Variants in PRKD1 observed in about 807,000 individuals in gnomAD.
PRKD1 encodes the protein serine/threonine-protein kinase D1.
Under a neutral mutation model 95.9 loss-of-function variants are expected in PRKD1, and 63 were observed. The observed-to-expected ratio is 0.66, with a 90% CI of 0.54 to 0.81. The LOEUF is 0.81. PRKD1 is among the 30% of genes least tolerant of loss of function. The pLI is 0.00. For synonymous variants in PRKD1, 425 were observed against 423.1 expected, an observed-to-expected ratio of 1.00 and a Z score of -0.05; for missense variants, 1,048 against 1,165.3, an observed-to-expected ratio of 0.90 and a Z score of 1.47.
intron 1 of PRKD1, among the ~76,000 whole-genome samples, chr14:29,752,457 G>A (rs1887521097): frequency 6.6e-6 from 1 of 151,864 alleles, no homozygotes; most frequent in Non-Finnish European, 1.5e-5. Flanking sequence ...AAAACTGCAG[G>A]GAAAGATAAA....
chr14:29,619,598 G>A (rs1195843028), intron 13 of PRKD1, among the ~76,000 whole-genome samples: 8 of 152,128 alleles, frequency 5.3e-5, no homozygotes, highest in Non-Finnish European at 8.8e-5. Flanking sequence ...CAATTCTATA[G>A]TAGGTTAGAA....
intron 16 of PRKD1, among the ~76,000 whole-genome samples, chr14:29,581,719 C>T (rs1363882857): frequency 1.3e-5 from 2 of 152,142 alleles, no homozygotes; most frequent in Non-Finnish European, 2.9e-5. Flanking sequence ...TGCTTGAACG[C>T]AAGGATGTGT....
At chr14:29,614,421 G>A (rs1878703392) in intron 13 of PRKD1, among the ~76,000 whole-genome samples, 1 of 151,950 alleles carries the variant, frequency 6.6e-6, no homozygotes, top group Non-Finnish European at 1.5e-5. Flanking sequence ...TTAAAAAAAG[G>A]AATAAAATTA....
At chr14:29,696,112 A>G (rs552633705) in intron 2 of PRKD1, among the ~76,000 whole-genome samples, 22 of 152,322 alleles carry the variant, frequency 1.4e-4, no homozygotes, top group African/African-American at 5.3e-4. Context: ...CATTTTCAGC[A>G]AATCGCATGT....
At chr14:29,887,798 G>C (rs983882153) in intron 1 of PRKD1, among the ~76,000 whole-genome samples, 5 of 152,168 alleles carry the variant, frequency 3.3e-5, no homozygotes, top group Admixed American at 3.3e-4. Flanking sequence ...TAGCCTAGGA[G>C]CAATAGGCTA....
rs75448552 is a variant in PRKD1 at position 29,877,917 on chromosome 14, C to T, written c.264+49332G>A. Among the ~76,000 whole-genome samples the T allele has an allele frequency of 5.6e-3, 852 of 151,940 alleles. 8 individuals carry two copies. The highest frequency in any genetic ancestry group is 0.037 in the Middle Eastern group (11 of 294). Reference sequence around the variant, plus strand: ...ATCAACCTAAATGTTCATAAATGGCCGATTGGATGAGGAACATGAGGTACA... The same window carrying T: ...ATCAACCTAAATGTTCATAAATGGCTGATTGGATGAGGAACATGAGGTACA... On this transcript the variant is annotated intron_variant, in intron 1 of 17. Coordinates refer to ENST00000331968, the MANE Select transcript of PRKD1 (RefSeq NM_002742.3).
intron 4 of PRKD1, among the ~76,000 whole-genome samples, chr14:29,642,638 C>T (rs76346532): frequency 0.062 from 9,361 of 152,120 alleles, 427 homozygotes; most frequent in South Asian, 0.22. Flanking sequence ...GTTTATTATA[C>T]ATAAATAAAA....
At chr14:29,884,339 C>T (rs996120850) in intron 1 of PRKD1, among the ~76,000 whole-genome samples, 12 of 152,016 alleles carry the variant, frequency 7.9e-5, no homozygotes, top group South Asian at 2.1e-4. Context: ...TTGCACTTTA[C>T]CAAACATACA....
At chr14:29,737,352 A>C (rs1594472497) in intron 1 of PRKD1, among the ~76,000 whole-genome samples, 1 of 148,060 alleles carries the variant, frequency 6.8e-6, no homozygotes, top group African/African-American at 2.5e-5. Context: ...AAAAAAAAAA[A>C]AAAAAAAAAA....
At chr14:29,712,226 T>C (rs2139358822) in intron 2 of PRKD1, among the ~76,000 whole-genome samples, 1 of 152,238 alleles carries the variant, frequency 6.6e-6, no homozygotes. Context: ...GATTAGTATG[T>C]GGGAGAAAAT....
chr14:29,898,398 A>G (rs1894205815), intron 1 of PRKD1, among the ~76,000 whole-genome samples: 1 of 152,164 alleles, frequency 6.6e-6, no homozygotes, highest in Non-Finnish European at 1.5e-5. Flanking sequence ...TAAGTTCTTC[A>G]GGGAAGGGTA....
At chr14:29,746,800 A>C (rs192907564) in intron 1 of PRKD1, among the ~76,000 whole-genome samples, 9 of 152,328 alleles carry the variant, frequency 5.9e-5, no homozygotes, top group African/African-American at 2.2e-4. Flanking sequence ...CCAACATTAG[A>C]ATATAACTTC....
intron 1 of PRKD1, among the ~76,000 whole-genome samples, chr14:29,856,531 G>A (rs1892511179): frequency 6.6e-6 from 1 of 152,160 alleles, no homozygotes; most frequent in Non-Finnish European, 1.5e-5. Flanking sequence ...GATAATTTTA[G>A]TGCCAGTTTT....
intron 2 of PRKD1, among the ~76,000 whole-genome samples, chr14:29,698,329 CAG>C (rs1884643416): frequency 6.6e-6 from 1 of 152,026 alleles, no homozygotes. Flanking sequence ...ACAAGTATAA[CAG>C]TATTATTTAT....
At chr14:29,769,582 A>AAG (rs1475402584) in intron 1 of PRKD1, among the ~76,000 whole-genome samples, 1 of 152,050 alleles carries the variant, frequency 6.6e-6, no homozygotes, top group Non-Finnish European at 1.5e-5. Flanking sequence ...ATAAATAAAT[A>AAG]AGAGAGAGAG....
chr14:29,838,430 C>A (rs1311642688), intron 1 of PRKD1, among the ~76,000 whole-genome samples: 1 of 152,076 alleles, frequency 6.6e-6, no homozygotes, highest in Admixed American at 6.5e-5. Flanking sequence ...ATTGAGGCCC[C>A]CTGTATAATC....
At chr14:29,811,350 C>T (rs147104150) in intron 1 of PRKD1, among the ~76,000 whole-genome samples, 243 of 152,314 alleles carry the variant, frequency 1.6e-3, no homozygotes, top group African/African-American at 5.7e-3. Context: ...CTCCTTCCAG[C>T]TGCCAGAGCA....
intron 16 of PRKD1, among the ~76,000 whole-genome samples, chr14:29,584,924 A>AT (rs1892866463): frequency 1.3e-5 from 2 of 152,100 alleles, no homozygotes; most frequent in African/African-American, 4.8e-5. Flanking sequence ...GACACAGTAC[A>AT]TTTTCCCCCG....
chr14:29,760,748 C>T (rs907636981), intron 1 of PRKD1, among the ~76,000 whole-genome samples: 1 of 152,210 alleles, frequency 6.6e-6, no homozygotes, highest in Non-Finnish European at 1.5e-5. Context: ...GGCCTTACAA[C>T]ACAAGTCACT....
Sources: gnomAD v4.1 joint callset for allele counts (sites outside exome capture counted in the v4.1 genomes callset) on GRCh38, gnomAD v4.1.1 for gene constraint, MANE v1.5 for transcripts, NCBI Gene and HGNC (gene_info 2026-07-23, HGNC 2026-07-21) for gene names.